SLC24A3: variants seen among roughly 807,000 people sequenced by gnomAD.
SLC24A3 encodes the protein sodium/potassium/calcium exchanger 3.
SLC24A3 carries 28 observed loss-of-function variants against 75.8 expected under a neutral mutation model. The observed-to-expected ratio is 0.37, with a 90% confidence interval of 0.27 to 0.51. SLC24A3 has a LOEUF of 0.51. SLC24A3 is among the 20% of genes least tolerant of loss of function. SLC24A3 has a pLI of 0.94. For synonymous variants in SLC24A3, 372 were observed against 334.1 expected, an observed-to-expected ratio of 1.11 and a Z score of -1.24; for missense variants, 663 against 847.8, an observed-to-expected ratio of 0.78 and a Z score of 2.71.
At chr20:19,682,734 A>C (rs960202550) in intron 10 of SLC24A3, among the ~76,000 whole-genome samples, 2 of 152,240 alleles carry the variant, frequency 1.3e-5, no homozygotes, top group Non-Finnish European at 2.9e-5. Flanking sequence ...TGTTATTAGT[A>C]TATTACTAGA....
intron 1 of SLC24A3, among the ~76,000 whole-genome samples, chr20:19,280,497 C>A (rs1983625796): frequency 6.6e-6 from 1 of 152,152 alleles, no homozygotes; most frequent in African/African-American, 2.4e-5. Context: ...TGATTGTGTC[C>A]ATCTCTTCCG....
At chr20:19,378,832 T>A (rs750667721) in intron 2 of SLC24A3, among the ~76,000 whole-genome samples, 4 of 151,808 alleles carry the variant, frequency 2.6e-5, no homozygotes, top group Non-Finnish European at 5.9e-5. Context: ...ATAGCTTTTT[T>A]AATGAAAGGG....
intron 1 of SLC24A3, among the ~76,000 whole-genome samples, chr20:19,276,310 C>T (rs1035638875): frequency 4.6e-5 from 7 of 152,162 alleles, no homozygotes; most frequent in Non-Finnish European, 7.4e-5. Flanking sequence ...CTTATTTCTT[C>T]GTTTGTGAAC....
chr20:19,697,056 A>C, intron 14 of SLC24A3, 145 bp downstream of exon 14: 2 of 620,662 alleles, frequency 3.2e-6, no homozygotes, highest in Non-Finnish European at 5.6e-6. Context: ...GGAGGGAGTG[A>C]AGGAAAGAAG....
intron 2 of SLC24A3, among the ~76,000 whole-genome samples, chr20:19,342,419 T>C (rs1985291667): frequency 6.6e-6 from 1 of 152,226 alleles, no homozygotes; most frequent in South Asian, 2.1e-4. Context: ...TCATGGCAAA[T>C]TTCTGCTGAG....
chr20:19,612,124 G>T (rs1391203463), intron 6 of SLC24A3, among the ~76,000 whole-genome samples: 1 of 152,122 alleles, frequency 6.6e-6, no homozygotes, highest in African/African-American at 2.4e-5. Context: ...TCTCAAATAT[G>T]TCCAGACCTG....
chr20:19,676,196 G>T (rs911037485), intron 9 of SLC24A3, among the ~76,000 whole-genome samples: 1 of 152,214 alleles, frequency 6.6e-6, no homozygotes, highest in African/African-American at 2.4e-5. Flanking sequence ...TATAGCCACT[G>T]CTCCCCTTTT....
At chr20:19,510,780 C>G (rs1988523861) in intron 2 of SLC24A3, among the ~76,000 whole-genome samples, 1 of 152,222 alleles carries the variant, frequency 6.6e-6, no homozygotes, top group Non-Finnish European at 1.5e-5. Context: ...CTCAGACTTC[C>G]AGCCTCCAGA....
chr20:19,564,557 T>C (rs2030925756), intron 3 of SLC24A3, among the ~76,000 whole-genome samples: 1 of 152,186 alleles, frequency 6.6e-6, no homozygotes, highest in South Asian at 2.1e-4. Flanking sequence ...ATAAGGTTCA[T>C]CTAGTGGAGT....
At chr20:19,397,390 T>C (rs1010800904) in intron 2 of SLC24A3, among the ~76,000 whole-genome samples, 1 of 152,076 alleles carries the variant, frequency 6.6e-6, no homozygotes, top group African/African-American at 2.4e-5. Context: ...CGCCAAGCCC[T>C]CCAATCAAGA....
chr20:19,266,759 C>T (rs984118595), intron 1 of SLC24A3, among the ~76,000 whole-genome samples: 8 of 152,110 alleles, frequency 5.3e-5, no homozygotes, highest in African/African-American at 1.9e-4. Flanking sequence ...CGGAGTATAT[C>T]AACAGAGCCT....
intron 2 of SLC24A3, among the ~76,000 whole-genome samples, chr20:19,364,435 C>G (rs1316975527): frequency 2.0e-5 from 3 of 152,062 alleles, no homozygotes; most frequent in African/African-American, 7.2e-5. Flanking sequence ...ACACACGGCT[C>G]TAGGTTCCTC....
At chr20:19,344,811 G>A (rs1985351969) in intron 2 of SLC24A3, among the ~76,000 whole-genome samples, 1 of 152,226 alleles carries the variant, frequency 6.6e-6, no homozygotes, top group Non-Finnish European at 1.5e-5. Context: ...AGACAAGGAA[G>A]ATTGAATGCC....
At chr20:19,224,126 G>A (rs574275833) in intron 1 of SLC24A3, among the ~76,000 whole-genome samples, 1 of 133,688 alleles carries the variant, frequency 7.5e-6, no homozygotes, top group Admixed American at 7.0e-5. Flanking sequence ...GTGTGAGTGT[G>A]TGTGTGTGTG....
intron 12 of SLC24A3, among the ~76,000 whole-genome samples, chr20:19,686,526 T>C (rs904790958): frequency 6.6e-6 from 1 of 152,230 alleles, no homozygotes; most frequent in African/African-American, 2.4e-5. Context: ...TGAGGCTCAG[T>C]ATACATGTGC....
At chr20:19,298,629 GA>G (rs200266785) in intron 2 of SLC24A3, among the ~76,000 whole-genome samples, 2 of 150,040 alleles carry the variant, frequency 1.3e-5, no homozygotes, top group Non-Finnish European at 3.0e-5. Flanking sequence ...GAAAGAAAAA[GA>G]AAAAAAAATA....
Position 19,311,921 on chromosome 20 carries a change from A to T in SLC24A3, c.271+30834A>T, listed in dbSNP as rs150778337. 2.7e-3 allele frequency among the ~76,000 whole-genome samples: 403 copies of T among 152,016 alleles called. 3 individuals are homozygous for T. The highest frequency in any genetic ancestry group is 4.3e-3 in the Admixed American group (65 of 15,274). On this transcript the variant is annotated intron_variant, in intron 2 of 16. Transcript: ENST00000328041. ...CTGCCGGTGCTGTGTGTGTAGCATG[A>T]GGGTTTCCTTCCCATGCGCCCTTCC...
intron 2 of SLC24A3, among the ~76,000 whole-genome samples, chr20:19,455,117 G>A (rs530358997): frequency 3.9e-5 from 6 of 152,290 alleles, no homozygotes; most frequent in African/African-American, 7.2e-5. Flanking sequence ...AAGTAGAATG[G>A]AGTCACCATT....
chr20:19,368,370 G>GCA (rs1455283301), intron 2 of SLC24A3, among the ~76,000 whole-genome samples: 1 of 152,196 alleles, frequency 6.6e-6, no homozygotes, highest in African/African-American at 2.4e-5. Flanking sequence ...GGACCCTCGT[G>GCA]CCCCTACTGG....
Sources: gnomAD v4.1 joint callset for allele counts (sites outside exome capture counted in the v4.1 genomes callset) on GRCh38, gnomAD v4.1.1 for gene constraint, MANE v1.5 for transcripts, NCBI Gene and HGNC (gene_info 2026-07-23, HGNC 2026-07-21) for gene names.